NOS1: variants seen among roughly 807,000 people sequenced by gnomAD.
NOS1 encodes nitric oxide synthase 1, also known as NOS type I.
Under a neutral mutation model 164.5 loss-of-function variants are expected in NOS1, and 51 were observed. The observed-to-expected ratio is 0.31, with a 90% CI of 0.25 to 0.39. The LOEUF (loss-of-function observed/expected upper bound fraction) is 0.39. Among genes scored for constraint, NOS1 ranks in the 10% least tolerant of loss-of-function variants. The pLI is 1.00. For synonymous variants in NOS1, 719 were observed against 745.8 expected (o/e 0.96, Z 0.59); for missense variants, 1,362 against 1,885.6 (o/e 0.72, Z 5.14).
intron 14 of NOS1, among the ~76,000 whole-genome samples, chr12:117,259,353 G>C (rs1871705831): frequency 6.6e-6 from 1 of 152,144 alleles, no homozygotes; most frequent in African/African-American, 2.4e-5. Flanking sequence ...TGGTAGCGTG[G>C]GACCTTGCTA....
chr12:117,280,852 A>G lies in NOS1; in HGVS notation c.1397T>C (p.Ile466Thr), dbSNP rs756175874. ...NKGNLRSAIT[I>T]FPQRTDGKHD... Reference sequence around the variant, plus strand: ...CTTGCCGTCTGTCCTCTGGGGGAATATGGTGATGGCAGACCTGTGGTGGAG... The same window carrying G: ...CTTGCCGTCTGTCCTCTGGGGGAATGTGGTGATGGCAGACCTGTGGTGGAG... The change falls in exon 8 of 29, where the codon ATA (isoleucine) becomes ACA (threonine). Residue 466 changes from isoleucine (I) to threonine (T), a missense_variant. Ile to Thr is a moderately conservative substitution (Grantham distance 89). This residue lies in a region of NOS1 where 134 missense variants were observed against 267.3 expected (regional missense o/e 0.50). Transcript: ENST00000317775. 6.2e-7 allele frequency: 1 copy of G among 1,614,060 alleles called. No homozygotes were observed. Among genetic ancestry groups the G allele is most frequent in the South Asian group, 1.1e-5 (1 of 91,066 alleles).
chr12:117,284,595 T>A (rs1484274860), intron 7 of NOS1, among the ~76,000 whole-genome samples: 1 of 151,896 alleles, frequency 6.6e-6, no homozygotes, highest in Non-Finnish European at 1.5e-5. Flanking sequence ...CCACCAGCAA[T>A]AGGATTTTCT....
chr12:117,345,011 G>T (rs1458182457), intron 1 of NOS1, among the ~76,000 whole-genome samples: 1 of 140,168 alleles, frequency 7.1e-6, no homozygotes, highest in Admixed American at 7.8e-5. Context: ...TGCTTGCTTG[G>T]TTGCTTGGTT....
chr12:117,269,968 C>T (rs1012362409), intron 10 of NOS1, among the ~76,000 whole-genome samples: 2 of 152,158 alleles, frequency 1.3e-5, no homozygotes, highest in Admixed American at 1.3e-4. Context: ...CTGGACTTGT[C>T]CAACGTCCAC....
chr12:117,330,749 C>A lies in NOS1; in HGVS notation c.321G>T (p.Leu107=). The A allele has an allele frequency of 6.2e-7, 1 of 1,614,100 alleles. No individual in the cohort carries two copies. The highest frequency in any genetic ancestry group is 8.5e-7 in the Non-Finnish European group (1 of 1,179,984). Residue 107 remains leucine, a synonymous_variant, in exon 2 of 29, where the codon CTG becomes CTT. Transcript: ENST00000317775. The surrounding 1 kb of genome is among the most constrained non-coding windows in gnomAD (Gnocchi z 4.6). ...LRGPEGFTTH[L]ETTFTGDGTP... ...TCCCATCACCTGTAAAGGTGGTCTC[C>A]AGGTGCGTGGTGAAACCTTCAGGGC...
chr12:117,278,916 C>T (rs945691837), intron 8 of NOS1, among the ~76,000 whole-genome samples: 1 of 149,180 alleles, frequency 6.7e-6, no homozygotes, highest in African/African-American at 2.5e-5. Flanking sequence ...TCAAATAATA[C>T]ATTAAATATC....
chr12:117,208,966 G>T lies in NOS1; in HGVS notation c.*6343C>A. On this transcript the variant is annotated 3_prime_UTR_variant, in exon 29 of 29. Coordinates refer to ENST00000317775, the MANE Select transcript of NOS1 (RefSeq NM_000620.5). ...TCTAACTCCCAGCCTCAAGTGATCTGCCAGCCTCGGCCTCCCAAAGTCCTG... is the reference window on the plus strand; with the variant it reads ...TCTAACTCCCAGCCTCAAGTGATCTTCCAGCCTCGGCCTCCCAAAGTCCTG... 1.1e-6 allele frequency: 1 copy of T among 907,914 alleles called. No individual in the cohort carries two copies. The highest frequency in any genetic ancestry group is 1.3e-6 in the Non-Finnish European group (1 of 759,502). The allele number at this position is 907,914 out of a possible 1,614,324, so 56.2% of individuals were successfully genotyped here.
At chr12:117,334,253 C>T (rs183439056) in intron 1 of NOS1, among the ~76,000 whole-genome samples, 276 of 152,292 alleles carry the variant, frequency 1.8e-3, no homozygotes, top group African/African-American at 6.4e-3. Flanking sequence ...TTCTCTCTCA[C>T]ACCTTGGCTG....
chr12:117,273,552 C>G (rs1000613308), intron 9 of NOS1, among the ~76,000 whole-genome samples: 4 of 152,018 alleles, frequency 2.6e-5, no homozygotes, highest in Non-Finnish European at 5.9e-5. Flanking sequence ...GTTTCCCCCT[C>G]TTAAGTTTAC....
intron 17 of NOS1, among the ~76,000 whole-genome samples, chr12:117,249,046 T>C (rs1452823641): frequency 6.6e-6 from 1 of 152,142 alleles, no homozygotes; most frequent in Non-Finnish European, 1.5e-5. Context: ...TGGGGTTGTT[T>C]GTTTTTTTCT....
rs1222732307 is a variant in NOS1, at chr12:117,303,741, C to T, written c.852+7725G>A. 2.6e-5 allele frequency among the ~76,000 whole-genome samples: 4 copies of T among 152,136 alleles called. No homozygotes were observed. The South Asian group carries it at 6.2e-4, about 24-fold the overall frequency. On this transcript the variant is annotated intron_variant, in intron 3 of 28. Transcript: ENST00000317775. ...AGGCAAACCAGACAGGCAAGGGAAA[C>T]GATGCTTAATAAGAAAGGAAGGCAA... is the stretch of plus-strand genomic sequence containing the variant.
Position 117,220,075 on chromosome 12 carries a change from C to T in NOS1, c.4170G>A (p.Arg1390=). The change falls in exon 27 of 29, where the codon AGG becomes AGA. Residue 1390 remains arginine (R), a splice_region_variant and synonymous_variant. Transcript: ENST00000317775. ...EDAGVFISRM[R]DDNRYHEDIF... ...CCTGGGAAGTCAGCCTGTCACTCAC[C>T]CTCATCCGGCTGATGAATACGCCGG... 1.2e-6 allele frequency: 2 copies of T among 1,603,672 alleles called. No individual in the cohort carries two copies. The highest frequency in any genetic ancestry group is 1.3e-5 in the African/African-American group (1 of 74,836).
At chr12:117,352,473 G>A (rs1441550118) in intron 1 of NOS1, among the ~76,000 whole-genome samples, 1 of 152,122 alleles carries the variant, frequency 6.6e-6, no homozygotes, top group Non-Finnish European at 1.5e-5. Flanking sequence ...AGCCTGTTCT[G>A]TTGCTGACAG....
intron 1 of NOS1, among the ~76,000 whole-genome samples, chr12:117,358,253 T>C (rs1433364610): frequency 6.6e-6 from 1 of 152,232 alleles, no homozygotes; most frequent in Non-Finnish European, 1.5e-5. Flanking sequence ...GACAACTGAC[T>C]GAATGGTACC....
chr12:117,239,427 G>C (rs530173208), intron 20 of NOS1, among the ~76,000 whole-genome samples: 5 of 152,224 alleles, frequency 3.3e-5, no homozygotes, highest in African/African-American at 1.2e-4. Flanking sequence ...GATCCATTAT[G>C]TTGTCTCTTC....
chr12:117,237,687 A>C (rs1204924618), intron 20 of NOS1, among the ~76,000 whole-genome samples: 2 of 152,052 alleles, frequency 1.3e-5, no homozygotes, highest in Admixed American at 1.3e-4. Flanking sequence ...GAAAAAAAAA[A>C]ACAGAAAATG....
chr12:117,360,205 C>G (rs1430092712), intron 1 of NOS1, among the ~76,000 whole-genome samples: 2 of 152,066 alleles, frequency 1.3e-5, no homozygotes, highest in East Asian at 3.9e-4. Context: ...GATGTCTACC[C>G]CAGACAGCCT....
chr12:117,241,086 C>T (rs138464606), intron 20 of NOS1, among the ~76,000 whole-genome samples: 1,654 of 151,922 alleles, frequency 0.011, 26 homozygotes, highest in East Asian at 0.055. Flanking sequence ...ATTATAGGCC[C>T]CCACAACCAC....
chr12:117,220,787 A>G (rs1047050298), intron 26 of NOS1, among the ~76,000 whole-genome samples: 1 of 152,128 alleles, frequency 6.6e-6, no homozygotes, highest in African/African-American at 2.4e-5. Flanking sequence ...TAGCAGAAGG[A>G]AAAGGTGGGC....
Sources: gnomAD v4.1 joint callset for allele counts (sites outside exome capture counted in the v4.1 genomes callset) on GRCh38, gnomAD v4.1.1 for gene constraint, gnomAD v4.1.1 regional missense constraint, Gnocchi (gnomAD v3.1) non-coding constraint, MANE v1.5 for transcripts, NCBI Gene and HGNC (gene_info 2026-07-23, HGNC 2026-07-21) for gene names.